Variants in LRRC3C observed in about 807,000 individuals in gnomAD.
LRRC3C encodes leucine-rich repeat-containing protein 3C.
A neutral mutation model predicts 14.8 loss-of-function variants in LRRC3C; 11 were observed. The ratio of observed to expected loss-of-function variants is 0.74; its 90% CI spans 0.47 to 1.23. The LOEUF (loss-of-function observed/expected upper bound fraction) is 1.23, where lower values mean the gene tolerates loss of function less well. LRRC3C is among the 50% of genes most tolerant of loss of function. The probability of loss-of-function intolerance (pLI) is 0.00; values close to 1 mark genes in which losing one functional copy is unlikely to be tolerated. For missense variants in LRRC3C, 354 were observed against 361.8 expected (o/e 0.98, Z 0.18); for synonymous variants, 149 against 161.5 (o/e 0.92, Z 0.59).
chr17:39,928,481 G>A (rs1978551702), intron 1 of LRRC3C, among the ~76,000 whole-genome samples: 1 of 152,230 alleles, frequency 6.6e-6, no homozygotes, highest in Admixed American at 6.5e-5. Context: ...CCAAAAGAAT[G>A]TATGTAAAGC....
At chr17:39,928,112 G>A (rs1194471390) in intron 1 of LRRC3C, among the ~76,000 whole-genome samples, 1 of 152,236 alleles carries the variant, frequency 6.6e-6, no homozygotes, top group Non-Finnish European at 1.5e-5. Context: ...TGAGGGTCTG[G>A]AGGGCCCGGA....
At chr17:39,932,387 G>A (rs1230636780) in intron 1 of LRRC3C, among the ~76,000 whole-genome samples, 1 of 152,080 alleles carries the variant, frequency 6.6e-6, no homozygotes, top group Non-Finnish European at 1.5e-5. Flanking sequence ...ACTTTACTAG[G>A]TTATGGAAAT....
In LRRC3C at chr17:39,944,666, T is replaced by C. The variant is rs1316365468; in HGVS notation, c.760T>C (p.Ser254Pro). 1.3e-6 allele frequency: 2 copies of C among 1,535,684 alleles called. No individual in the cohort carries two copies. Among genetic ancestry groups the C allele is most frequent in the Non-Finnish European group, 1.7e-6 (2 of 1,146,808 alleles). The change falls in exon 4 of 4, where the codon TCC becomes CCC. Residue 254 changes from serine (S) to proline (P), a missense_variant. By Grantham distance (74) the Ser-to-Pro change is moderately conservative. Transcript: ENST00000377924. ...GCAGAACCGAGATGAGACCAGGCGC[T>C]CCCTCAAGCGGGCCCCAGTGCTGCC... is the stretch of plus-strand genomic sequence containing the variant. ...VWQNRDETRR[S>P]LKRAPVLPVR...
At chr17:39,943,875 A>T (rs2144767760) in intron 3 of LRRC3C, 58 bp from the exon 4 acceptor site, 1 of 1,503,936 alleles carries the variant, frequency 6.6e-7, no homozygotes, top group Admixed American at 2.0e-5. Flanking sequence ...GAAAGCTGGC[A>T]GTGGGGCATG....
rs1293032532 is a variant in LRRC3C at position 39,944,584 on chromosome 17, G to A, written c.678G>A (p.Leu226=). The part of the protein sequence containing the change: ...GARRSTDVAL[L]VTMGGWLTLM... ...GGAGGAGCACCGATGTGGCCCTGCT[G>A]GTCACCATGGGGGGCTGGCTGACAC... Residue 226 remains leucine, a synonymous_variant, in exon 4 of 4, where the codon CTG becomes CTA. Coordinates refer to ENST00000377924, the MANE Select transcript of LRRC3C (RefSeq NM_001195545.2). 1 of 1,534,850 alleles carries A rather than the reference G, an allele frequency of 6.5e-7. No individual in the cohort carries two copies. The highest frequency in any genetic ancestry group is 8.7e-7 in the Non-Finnish European group (1 of 1,146,304).
intron 1 of LRRC3C, among the ~76,000 whole-genome samples, chr17:39,928,768 AG>A (rs1168754767): frequency 6.6e-5 from 10 of 152,358 alleles, no homozygotes; most frequent in African/African-American, 2.2e-4. Context: ...AGGCTAGCCC[AG>A]GGAAACTGCG....
intron 1 of LRRC3C, among the ~76,000 whole-genome samples, chr17:39,929,893 T>G (rs1978598035): frequency 6.6e-6 from 1 of 152,120 alleles, no homozygotes; most frequent in African/African-American, 2.4e-5. Context: ...CTAAGTTATA[T>G]GAAAAGATGA....
At chr17:39,935,764 A>C in intron 1 of LRRC3C, 38 bp from the exon 2 acceptor site, 1 of 915,602 alleles carries the variant, frequency 1.1e-6, no homozygotes, top group South Asian at 5.0e-5. Context: ...GCATGGCAGC[A>C]TGAAGTGTAT....
chr17:39,940,627 T>C (rs1263064668), intron 2 of LRRC3C, among the ~76,000 whole-genome samples: 2 of 148,852 alleles, frequency 1.3e-5, no homozygotes, highest in Non-Finnish European at 3.0e-5. Context: ...TTTTTTTTTT[T>C]TCTGGAGAGA....
intron 2 of LRRC3C, chr17:39,939,552 C>G: frequency 2.9e-6 from 1 of 338,984 alleles, no homozygotes. Flanking sequence ...GTAAAAGCTC[C>G]CCAAGTGATT....
Position 39,944,160 on chromosome 17 carries a change from AC to A in LRRC3C, c.256del (p.Leu86TrpfsTer70). ...SGIPNDTRKL[Y>X]LDANQLASVP... ...ATCCCCAATGACACCCGCAAGCTCT[AC>A]CTGGATGCCAACCAGCTGGCATCGG... On this transcript the variant is annotated frameshift_variant, in exon 4 of 4. Transcript: ENST00000377924. LOFTEE classifies it high-confidence loss of function. 6.5e-7 allele frequency: 1 copy of A among 1,536,176 alleles called. No individual in the cohort carries two copies. Among genetic ancestry groups the A allele is most frequent in the South Asian group, 1.2e-5 (1 of 84,056 alleles).
rs375350511 is a variant in LRRC3C at position 39,927,896 on chromosome 17, G to C, written c.-175+82G>C. On this transcript the variant is annotated intron_variant, in intron 1 of 3. Coordinates refer to ENST00000377924, the MANE Select transcript of LRRC3C (RefSeq NM_001195545.2). ...CCCAGTTTTGCAGATGAGGAGACTC[G>C]GACTTGTAAGTAACTTTCTGTAGGT... 7.1e-6 allele frequency: 7 copies of C among 979,784 alleles called. No individual in the cohort carries two copies. The African/African-American group carries it at 1.2e-4, about 17-fold the overall frequency. The allele number at this position is 979,784 out of a possible 1,614,324, so 60.7% of individuals were successfully genotyped here.
rs777446728 is a variant in LRRC3C, at chr17:39,944,648, C to A, written c.742C>A (p.Arg248=). ...AYLVHYVWQN[R]DETRRSLKRA... ...TCTGGTGCATTATGTGTGGCAGAAC[C>A]GAGATGAGACCAGGCGCTCCCTCAA... Residue 248 remains arginine (R), a synonymous_variant, in exon 4 of 4, where the codon CGA becomes AGA. Coordinates refer to ENST00000377924, the MANE Select transcript of LRRC3C (RefSeq NM_001195545.2). 6.5e-7 allele frequency: 1 copy of A among 1,535,974 alleles called. No homozygotes were observed. The highest frequency in any genetic ancestry group is 1.2e-5 in the South Asian group (1 of 84,054).
chr17:39,933,058 A>G (rs555274636), intron 1 of LRRC3C, among the ~76,000 whole-genome samples: 8 of 123,004 alleles, frequency 6.5e-5, no homozygotes, highest in South Asian at 5.7e-4. Context: ...GTCTCAAAAA[A>G]TAAAGAAAGG....
At chr17:39,942,222 A>G (rs1978959593) in intron 3 of LRRC3C, among the ~76,000 whole-genome samples, 1 of 152,230 alleles carries the variant, frequency 6.6e-6, no homozygotes, top group Non-Finnish European at 1.5e-5. Context: ...ACATCCACTC[A>G]ACCCTGGCGG....
chr17:39,934,549 G>A (rs907416711), intron 1 of LRRC3C: 2 of 152,164 alleles, frequency 1.3e-5, no homozygotes, highest in African/African-American at 4.8e-5. Context: ...GTCTGTTACA[G>A]AACCACCTCC....
In LRRC3C at chr17:39,944,626, G is replaced by T. The variant is rs904897566; in HGVS notation, c.720G>T (p.Leu240=). ...GGCTGACACTCATGGTGGCTTATCT[G>T]GTGCATTATGTGTGGCAGAACCGAG... ...GGWLTLMVAY[L]VHYVWQNRDE... The change falls in exon 4 of 4, where the codon CTG becomes CTT. Residue 240 remains leucine, a synonymous_variant. Transcript: ENST00000377924. 6.5e-7 allele frequency: 1 copy of T among 1,535,948 alleles called. No homozygotes were observed. Among genetic ancestry groups the T allele is most frequent in the Non-Finnish European group, 8.7e-7 (1 of 1,146,846 alleles).
At chr17:39,937,992 C>T (rs1479719949) in intron 2 of LRRC3C, among the ~76,000 whole-genome samples, 1 of 152,050 alleles carries the variant, frequency 6.6e-6, no homozygotes, top group Admixed American at 6.6e-5. Context: ...ATTAGCTGGG[C>T]ATAGTGGCGT....
intron 2 of LRRC3C, among the ~76,000 whole-genome samples, chr17:39,939,911 T>A (rs79868132): frequency 0.01 from 1,561 of 152,266 alleles, 25 homozygotes; most frequent in African/African-American, 0.033. Flanking sequence ...GCCCTAGTCT[T>A]AGAAGGAAAT....
Sources: allele counts gnomAD v4.1 joint callset (sites outside exome capture counted in the v4.1 genomes callset), GRCh38; gene constraint gnomAD v4.1.1; transcripts MANE v1.5; gene names NCBI Gene and HGNC (gene_info 2026-07-23, HGNC 2026-07-21).